Variants in PARP8 observed in about 807,000 individuals in gnomAD.
The protein encoded by PARP8 is protein mono-ADP-ribosyltransferase PARP8.
Under a neutral mutation model 124.1 loss-of-function variants are expected in PARP8, and 51 were observed. That is an observed-to-expected ratio of 0.41 (90% CI 0.33 to 0.52). The LOEUF is 0.52. Ranked by LOEUF, PARP8 falls within the 20% of genes least tolerant of loss-of-function variation. The probability of loss-of-function intolerance (pLI) is 0.21; values close to 1 mark genes in which losing one functional copy is unlikely to be tolerated. For missense variants in PARP8, 860 were observed against 1,018.9 expected, an observed-to-expected ratio of 0.84 and a Z score of 2.12; for synonymous variants, 391 against 361.5, an observed-to-expected ratio of 1.08 and a Z score of -0.93.
chr5:50,783,449 A>G (rs758500023), intron 9 of PARP8, among the ~76,000 whole-genome samples: 1 of 152,106 alleles, frequency 6.6e-6, no homozygotes, highest in African/African-American at 2.4e-5. Flanking sequence ...ACATTTTTTG[A>G]TTTACATAAA....
chr5:50,666,728 T>G lies in PARP8; in HGVS notation c.-368T>G. On this transcript the variant is annotated 5_prime_UTR_variant, in exon 1 of 26. Transcript: ENST00000281631. ...CCGGCGCCCGCCGCCCAGCCGGTGA[T>G]TGCTCTCTGGCTGTCCCCGGCACCT... 2.8e-6 allele frequency: 1 copy of G among 362,016 alleles called. No individual in the cohort carries two copies. Among genetic ancestry groups the G allele is most frequent in the East Asian group, 1.5e-4 (1 of 6,864 alleles). The allele number at this position is 362,016 out of a possible 1,614,324, so 22.4% of individuals were successfully genotyped here. A position where few individuals can be genotyped will look rare whatever the true frequency, so the allele number is the denominator to read the frequency against.
At chr5:50,741,936 C>T (rs1758087722) in intron 2 of PARP8, 2 of 411,968 alleles carry the variant, frequency 4.9e-6, no homozygotes, top group Non-Finnish European at 9.4e-6. Flanking sequence ...CAGCCTTCTA[C>T]TAGCTGGCAT....
intron 2 of PARP8, among the ~76,000 whole-genome samples, chr5:50,722,676 A>G (rs1190141103): frequency 1.3e-5 from 2 of 152,108 alleles, no homozygotes; most frequent in Non-Finnish European, 2.9e-5. Flanking sequence ...GGAAATAGAA[A>G]TGGGATTTGG....
intron 2 of PARP8, among the ~76,000 whole-genome samples, chr5:50,732,037 A>G (rs1561300698): frequency 6.6e-6 from 1 of 152,182 alleles, no homozygotes; most frequent in Non-Finnish European, 1.5e-5. Context: ...ATTTTTCTAA[A>G]AAAAGGAAAT....
intron 9 of PARP8, among the ~76,000 whole-genome samples, chr5:50,779,613 G>T (rs1318333968): frequency 1.3e-5 from 2 of 152,218 alleles, no homozygotes; most frequent in Admixed American, 6.5e-5. Context: ...ACTGGGAAAA[G>T]ACATAGTGAG....
chr5:50,828,238 C>A (rs1338485928), intron 20 of PARP8, 74 bp from the exon 21 acceptor site: 1 of 1,442,518 alleles, frequency 6.9e-7, no homozygotes, highest in Non-Finnish European at 9.7e-7. Flanking sequence ...GGCACCATGA[C>A]TTATTATGTT....
rs561174426 is a variant in PARP8, at chr5:50,684,766, C to G, written c.146+16641C>G. On this transcript the variant is annotated intron_variant, in intron 2 of 25. Coordinates refer to ENST00000281631, the MANE Select transcript of PARP8 (RefSeq NM_024615.4). The stretch of plus-strand genomic sequence containing the variant: ...AGGATGGCTACTCTGAAGTCAGGAG[C>G]TTAGAAAGTGTCACAGATGGTATAT... Among the ~76,000 whole-genome samples the G allele has an allele frequency of 1.3e-3, 201 of 152,220 alleles. 1 individual carries two copies. The highest frequency in any genetic ancestry group is 4.8e-3 in the African/African-American group (199 of 41,534).
chr5:50,723,771 A>G (rs765569671), intron 2 of PARP8, among the ~76,000 whole-genome samples: 1 of 152,128 alleles, frequency 6.6e-6, no homozygotes, highest in Non-Finnish European at 1.5e-5. Context: ...GCTTTTTACT[A>G]TTCTTTATTA....
chr5:50,703,031 TGGCTCGTGCCTGTAATCCC>T (rs1307832817), intron 2 of PARP8, among the ~76,000 whole-genome samples: 1 of 152,126 alleles, frequency 6.6e-6, no homozygotes, highest in East Asian at 1.9e-4. Flanking sequence ...CCAGGTGATG[TGGCTCGTGCCTGTAATCCC>T]AGCACTTTGG....
intron 3 of PARP8, 77 bp downstream of exon 3, chr5:50,750,265 C>T (rs749261124): frequency 2.6e-5 from 32 of 1,217,216 alleles, no homozygotes; most frequent in Non-Finnish European, 3.2e-5. Flanking sequence ...AGATGTAAAA[C>T]GCATATAAAT....
chr5:50,697,249 C>T (rs907715189), intron 2 of PARP8, among the ~76,000 whole-genome samples: 12 of 151,852 alleles, frequency 7.9e-5, no homozygotes, highest in Non-Finnish European at 1.6e-4. Flanking sequence ...AGCGAGACTC[C>T]GTCTCAAAGA....
chr5:50,825,654 A>G (rs962785175), intron 18 of PARP8, among the ~76,000 whole-genome samples: 8 of 152,156 alleles, frequency 5.3e-5, no homozygotes, highest in African/African-American at 1.9e-4. Flanking sequence ...TCTACTCAAC[A>G]TCCCTTATAA....
At chr5:50,808,908 G>C (rs1382357598) in intron 14 of PARP8, among the ~76,000 whole-genome samples, 2 of 151,864 alleles carry the variant, frequency 1.3e-5, no homozygotes, top group African/African-American at 4.8e-5. Flanking sequence ...GGATGAAAAA[G>C]CACAACCTAT....
At chr5:50,666,056 G>A (rs952315628), upstream of PARP8, 1 of 152,206 alleles carries the variant, frequency 6.6e-6, no homozygotes, top group African/African-American at 2.4e-5. Flanking sequence ...GAAACACCTA[G>A]GAAGGGAGAA....
intron 2 of PARP8, chr5:50,744,753 C>T (rs552717201): frequency 2.9e-6 from 2 of 701,454 alleles, no homozygotes; most frequent in Admixed American, 4.0e-5. Context: ...GAGCTTGCTC[C>T]AGGGATGTGA....
At chr5:50,743,705 A>G (rs1176747294) in intron 2 of PARP8, among the ~76,000 whole-genome samples, 1 of 152,116 alleles carries the variant, frequency 6.6e-6, no homozygotes, top group Non-Finnish European at 1.5e-5. Context: ...AGGCCATTGC[A>G]TTCCAGCCTA....
At chr5:50,773,006 C>T (rs1761785860) in intron 7 of PARP8, among the ~76,000 whole-genome samples, 1 of 152,166 alleles carries the variant, frequency 6.6e-6, no homozygotes, top group African/African-American at 2.4e-5. Flanking sequence ...ACTTTTGCCC[C>T]TTTTAAAGTC....
chr5:50,785,417 C>A (rs1561376663), intron 9 of PARP8, among the ~76,000 whole-genome samples: 1 of 152,070 alleles, frequency 6.6e-6, no homozygotes, highest in Non-Finnish European at 1.5e-5. Flanking sequence ...AGTTCTAGTG[C>A]ATTTCGGATT....
intron 2 of PARP8, among the ~76,000 whole-genome samples, chr5:50,741,222 A>T (rs1758010909): frequency 6.6e-6 from 1 of 152,206 alleles, no homozygotes; most frequent in South Asian, 2.1e-4. Context: ...TGCAATATGG[A>T]AATAATATTT....
Sources: allele counts gnomAD v4.1 joint callset (sites outside exome capture counted in the v4.1 genomes callset), GRCh38; gene constraint gnomAD v4.1.1; transcripts MANE v1.5; gene names NCBI Gene and HGNC (gene_info 2026-07-23, HGNC 2026-07-21).